Variants in TRMT11 observed in about 807,000 individuals in gnomAD.
The protein encoded by TRMT11 is tRNA methyltransferase 11, also known as tRNA (guanine(10)-N(2))-methyltransferase TRMT11.
A neutral mutation model predicts 62.8 loss-of-function variants in TRMT11; 53 were observed. The ratio of observed to expected loss-of-function variants is 0.84; its 90% CI spans 0.68 to 1.06. The LOEUF is 1.06. Ranked by LOEUF, TRMT11 falls within the 50% of genes least tolerant of loss-of-function variation. The pLI is 0.00. For missense variants in TRMT11, 556 were observed against 553.4 expected (o/e 1.00, Z -0.05); for synonymous variants, 188 against 190.3 (o/e 0.99, Z 0.10).
intron 8 of TRMT11, among the ~76,000 whole-genome samples, chr6:126,010,632 A>G (rs373935631): frequency 2.6e-5 from 4 of 152,234 alleles, no homozygotes; most frequent in African/African-American, 9.6e-5. Flanking sequence ...TTCTGCAGGT[A>G]CCTCAAGGTA....
intron 3 of TRMT11, 50 bp downstream of exon 3, chr6:125,996,090 AC>A: frequency 7.8e-7 from 1 of 1,277,450 alleles, no homozygotes; most frequent in Non-Finnish European, 1.1e-6. Flanking sequence ...ACTTCTCATA[AC>A]CACTCAATCC....
intron 17 of TRMT11, among the ~76,000 whole-genome samples, chr6:126,056,963 G>A (rs550519558): frequency 6.6e-6 from 1 of 152,162 alleles, no homozygotes; most frequent in South Asian, 2.1e-4. Context: ...GGCTTTCTTG[G>A]TGCAGTAATT....
intron 4 of TRMT11, 37 bp from the exon 5 acceptor site, chr6:125,998,186 T>A: frequency 6.3e-7 from 1 of 1,595,750 alleles, no homozygotes; most frequent in Non-Finnish European, 8.6e-7. Context: ...TTCTGTAGAA[T>A]TAAAATACTC....
intron 21 of TRMT11, among the ~76,000 whole-genome samples, chr6:126,146,270 C>T (rs1777973509): frequency 6.6e-6 from 1 of 152,206 alleles, no homozygotes; most frequent in Non-Finnish European, 1.5e-5. Flanking sequence ...AAATTTCCCA[C>T]CTTTTCCAGC....
the TRMT11 span, among the ~76,000 whole-genome samples, chr6:126,270,661 G>T: frequency 6.6e-6 from 1 of 152,074 alleles, no homozygotes; most frequent in Non-Finnish European, 1.5e-5. Context: ...AAAACTTTCA[G>T]AGAAAGAATA....
intron 17 of TRMT11, among the ~76,000 whole-genome samples, chr6:126,074,591 A>G (rs532787586): frequency 2.0e-5 from 3 of 152,180 alleles, no homozygotes; most frequent in Admixed American, 6.5e-5. Context: ...GCCATGGGCA[A>G]TGTCTGTTTT....
intron 1 of TRMT11, among the ~76,000 whole-genome samples, chr6:126,196,102 T>C (rs1778663620): frequency 6.6e-6 from 1 of 152,226 alleles, no homozygotes; most frequent in African/African-American, 2.4e-5. Context: ...TAAAATACTT[T>C]GTTATTTAAG....
At chr6:126,140,955 C>T (rs1268744464) in intron 21 of TRMT11, among the ~76,000 whole-genome samples, 1 of 152,058 alleles carries the variant, frequency 6.6e-6, no homozygotes, top group Non-Finnish European at 1.5e-5. Context: ...CATGTTTCCT[C>T]ACCAGTGAAA....
At chr6:125,997,612 A>G (rs1402215121) in intron 3 of TRMT11, among the ~76,000 whole-genome samples, 5 of 152,162 alleles carry the variant, frequency 3.3e-5, no homozygotes, top group East Asian at 3.9e-4. Context: ...GGCTCAGGTG[A>G]TCCTCCCACC....
downstream of TRMT11, among the ~76,000 whole-genome samples, chr6:126,203,625 C>A (rs1562347983): frequency 6.6e-6 from 1 of 152,040 alleles, no homozygotes; most frequent in Non-Finnish European, 1.5e-5. Context: ...AGCAATTCAG[C>A]CCCAGGACAA....
intron 17 of TRMT11, among the ~76,000 whole-genome samples, chr6:126,056,206 G>A (rs574118225): frequency 1.3e-5 from 2 of 152,270 alleles, no homozygotes; most frequent in South Asian, 4.2e-4. Flanking sequence ...GGGATGATTT[G>A]TATGAATGCA....
chr6:126,132,865 A>G (rs187371592), intron 21 of TRMT11, among the ~76,000 whole-genome samples: 6 of 152,154 alleles, frequency 3.9e-5, no homozygotes. Context: ...TAGTCCCTCA[A>G]ACAATTTCTT....
chr6:126,079,662 T>G (rs1406195598), intron 17 of TRMT11, among the ~76,000 whole-genome samples: 1 of 151,986 alleles, frequency 6.6e-6, no homozygotes, highest in Non-Finnish European at 1.5e-5. Flanking sequence ...CAGACCCCAA[T>G]GACATGCAAT....
chr6:126,158,143 A>G (rs913870177), intron 21 of TRMT11, among the ~76,000 whole-genome samples: 1 of 152,194 alleles, frequency 6.6e-6, no homozygotes, highest in African/African-American at 2.4e-5. Context: ...TAGTTTGAAC[A>G]TTTATATAAG....
chr6:126,091,203 C>CA (rs34621211), intron 17 of TRMT11, among the ~76,000 whole-genome samples: 3,549 of 132,266 alleles, frequency 0.027, 70 homozygotes, highest in Non-Finnish European at 0.042. Context: ...GACTCCATCT[C>CA]AAAAAAAAAA....
chr6:126,144,778 A>T lies in TRMT11; in HGVS notation c.*1823+28923A>T, dbSNP rs969538495. ...CTTGTTTATTTGTTTTTGATGAATC[A>T]AGCTATGCATGTATGTTTTTATAAA... On this transcript the variant is annotated intron_variant and NMD_transcript_variant, in intron 21 of 22. Coordinates refer to the TRMT11 transcript ENST00000648977. Among the ~76,000 whole-genome samples, 4 of 152,314 alleles carry T rather than the reference A, an allele frequency of 2.6e-5. No individual in the cohort carries two copies. In the South Asian group the frequency reaches 8.3e-4, roughly 32 times the overall value.
At chr6:126,104,426 A>G (rs1777440370) in intron 17 of TRMT11, among the ~76,000 whole-genome samples, 1 of 152,208 alleles carries the variant, frequency 6.6e-6, no homozygotes, top group South Asian at 2.1e-4. Flanking sequence ...AGCCTCTTGA[A>G]GGATTCAGTC....
intron 12 of TRMT11, among the ~76,000 whole-genome samples, chr6:126,032,271 C>T (rs1774343517): frequency 6.6e-6 from 1 of 152,108 alleles, no homozygotes; most frequent in Non-Finnish European, 1.5e-5. Flanking sequence ...TAAGGAAACT[C>T]CTCTGCTTAA....
chr6:126,113,405 C>T (rs1777553211), intron 18 of TRMT11, among the ~76,000 whole-genome samples: 1 of 151,998 alleles, frequency 6.6e-6, no homozygotes, highest in Admixed American at 6.6e-5. Context: ...TCTTGAGTTG[C>T]CTGCCTCTAC....
Sources: gnomAD v4.1 joint callset for allele counts (sites outside exome capture counted in the v4.1 genomes callset) on GRCh38, gnomAD v4.1.1 for gene constraint, MANE v1.5 for transcripts, NCBI Gene and HGNC (gene_info 2026-07-23, HGNC 2026-07-21) for gene names.